Variants in MOSPD2 observed in about 807,000 individuals in gnomAD.
MOSPD2 encodes the protein motile sperm domain-containing protein 2.
In MOSPD2, 5 loss-of-function variants were observed where a neutral mutation model predicts 41.7. That is an observed-to-expected ratio of 0.12 (90% CI 0.06 to 0.25). The LOEUF (loss-of-function observed/expected upper bound fraction) is 0.25, where lower values mean the gene tolerates loss of function less well. Among genes scored for constraint, MOSPD2 ranks in the 10% least tolerant of loss-of-function variants. The pLI is 1.00. For missense variants in MOSPD2, 282 were observed against 375.2 expected, an observed-to-expected ratio of 0.75 and a Z score of 2.05; for synonymous variants, 115 against 126.9, an observed-to-expected ratio of 0.91 and a Z score of 0.63.
intron 3 of MOSPD2, among the ~76,000 whole-genome samples, chrX:14,894,271 A>G (rs1363653365): frequency 9.4e-6 from 1 of 106,250 alleles, no homozygotes; most frequent in African/African-American, 3.5e-5. Context: ...AGCTGGGACG[A>G]CAGGCATGTG....
chrX:14,884,969 A>T (rs1460248120), intron 2 of MOSPD2, among the ~76,000 whole-genome samples: 2 of 111,530 alleles, frequency 1.8e-5, no homozygotes, highest in Non-Finnish European at 3.8e-5. Context: ...GAACTCAAGA[A>T]ATCTACAAAC....
intron 3 of MOSPD2, 155 bp downstream of exon 3, chrX:14,893,033 C>T: frequency 2.5e-6 from 1 of 407,921 alleles, no homozygotes; most frequent in Admixed American, 4.3e-5. Context: ...TTCAAAGGAA[C>T]AGCTTATAAG....
chrX:14,918,184 C>T (rs2092603544), intron 13 of MOSPD2, among the ~76,000 whole-genome samples: 1 of 111,797 alleles, frequency 8.9e-6, no homozygotes, highest in Admixed American at 9.5e-5. Context: ...AACAGTCCCT[C>T]AAAATGAAGG....
At chrX:14,899,565 TACACACACACACACACACACACACAC>T (rs59555716) in intron 5 of MOSPD2, among the ~76,000 whole-genome samples, 2 of 81,042 alleles carry the variant, frequency 2.5e-5, no homozygotes, top group African/African-American at 8.8e-5. Flanking sequence ...ATTATATACA[TACACACACACACACACACACACACAC>T]ACACACACAC....
At chrX:14,918,592 TTC>T (rs1277654601) in intron 13 of MOSPD2, 86 bp from the exon 14 acceptor site, 1 of 604,978 alleles carries the variant, frequency 1.7e-6, no homozygotes, top group East Asian at 3.7e-5. Flanking sequence ...TTACATAGAC[TTC>T]TGTGTATAAC....
At chrX:14,910,447 T>C (rs2092589556) in intron 8 of MOSPD2, among the ~76,000 whole-genome samples, 1 of 112,049 alleles carries the variant, frequency 8.9e-6, no homozygotes, top group African/African-American at 3.2e-5. Flanking sequence ...AACCAAAATA[T>C]TCCACTGTAT....
chrX:14,882,827 T>G (rs1311330245), intron 2 of MOSPD2, among the ~76,000 whole-genome samples: 1 of 108,873 alleles, frequency 9.2e-6, no homozygotes, highest in East Asian at 2.8e-4. Flanking sequence ...TTTTTACTCA[T>G]CTCTTTAAGT....
Position 14,873,473 on chromosome X carries a change from C to CGGCGACGGTAGAACG in MOSPD2, c.-47_-33dup, listed in dbSNP as rs2092511264. ...ACTGCCGGGTGATGAGATACTCGGT[C>CGGCGACGGTAGAACG]GGCGACGGTAGAACGGGCGACGGCG... On this transcript the variant is annotated 5_prime_UTR_variant, in exon 1 of 15. Transcript: ENST00000380492. 7.4e-6 allele frequency: 9 copies of CGGCGACGGTAGAACG among 1,209,794 alleles called. No individual in the cohort carries two copies. The highest frequency in any genetic ancestry group is 1.0e-5 in the Non-Finnish European group (9 of 893,668).
chrX:14,920,134 C>A lies in MOSPD2; in HGVS notation c.*325C>A. 1 of 743,586 alleles carries A rather than the reference C, an allele frequency of 1.3e-6. No individual in the cohort carries two copies. Among genetic ancestry groups the A allele is most frequent in the Non-Finnish European group, 1.6e-6 (1 of 626,231 alleles). 61.3% of individuals were successfully genotyped at this position (743,586 alleles called of 1,213,427 possible). A position where few individuals can be genotyped will look rare whatever the true frequency, so the allele number is the denominator to read the frequency against. On this transcript the variant is annotated 3_prime_UTR_variant, in exon 15 of 15. Transcript: ENST00000380492. ...AAGCTTAAGTTTTATCGTGTAAATA[C>A]ATTAGCTAAACTGAAAAGTATAAGT...
rs1229037922 is a variant in MOSPD2, at chrX:14,921,561, C to T, written c.*1752C>T. The T allele has an allele frequency of 7.6e-6, 3 of 395,143 alleles. No homozygotes were observed. In the African/African-American group the frequency reaches 7.9e-5, roughly 10 times the overall value. 32.6% of individuals were successfully genotyped at this position (395,143 alleles called of 1,213,427 possible). A position where few individuals can be genotyped will look rare whatever the true frequency, so the allele number is the denominator to read the frequency against. On this transcript the variant is annotated 3_prime_UTR_variant, in exon 15 of 15. Coordinates refer to ENST00000380492, the MANE Select transcript of MOSPD2 (RefSeq NM_152581.4). ...GGCAAATAAATGAAGAAATAATTAGCCAAGATTGAAAATGTATTGTCCTAA... is the reference window on the plus strand; with the variant it reads ...GGCAAATAAATGAAGAAATAATTAGTCAAGATTGAAAATGTATTGTCCTAA...
chrX:14,891,062 C>T (rs774915159), intron 2 of MOSPD2, among the ~76,000 whole-genome samples: 1 of 112,390 alleles, frequency 8.9e-6, no homozygotes, highest in African/African-American at 3.2e-5. Context: ...TATAGACTAT[C>T]TGTCTCTACT....
At chrX:14,899,966 C>T (rs958013554) in intron 5 of MOSPD2, among the ~76,000 whole-genome samples, 6 of 111,109 alleles carry the variant, frequency 5.4e-5, no homozygotes, top group Non-Finnish European at 1.1e-4. Flanking sequence ...AATCAGTGAA[C>T]AACACTGGAA....
intron 11 of MOSPD2, 119 bp downstream of exon 11, chrX:14,914,718 C>A: frequency 2.2e-6 from 1 of 444,924 alleles, no homozygotes; most frequent in Non-Finnish European, 3.8e-6. Context: ...TTATTTATGA[C>A]AATTTTTAGG....
In MOSPD2 at chrX:14,873,424, C is replaced by T. The variant is rs937091161; in HGVS notation, c.-105C>T. ...CACGCGACCGCCTCCCCCTCCCACCCTTCTCTGTCTACCTCTGGGCGGGAC... is the reference window on the plus strand; with the variant it reads ...CACGCGACCGCCTCCCCCTCCCACCTTTCTCTGTCTACCTCTGGGCGGGAC... On this transcript the variant is annotated 5_prime_UTR_variant, in exon 1 of 15. Coordinates refer to ENST00000380492, the MANE Select transcript of MOSPD2 (RefSeq NM_152581.4). 3 of 1,126,725 alleles carry T rather than the reference C, an allele frequency of 2.7e-6. No homozygotes were observed. The highest frequency in any genetic ancestry group is 3.6e-6 in the Non-Finnish European group (3 of 823,642). The allele number at this position is 1,126,725 out of a possible 1,213,427, so 92.9% of individuals were successfully genotyped here. A position where few individuals can be genotyped will look rare whatever the true frequency, so the allele number is the denominator to read the frequency against.
At chrX:14,915,588 AT>A (rs781636363) in intron 11 of MOSPD2, 79 bp from the exon 12 acceptor site, 38 of 578,735 alleles carry the variant, frequency 6.6e-5, no homozygotes, top group African/African-American at 4.8e-4. Context: ...ATAAAAATAA[AT>A]TTTTTTAAAG....
chrX:14,882,992 C>A (rs761318169), intron 2 of MOSPD2, among the ~76,000 whole-genome samples: 1 of 110,604 alleles, frequency 9.0e-6, no homozygotes, highest in Non-Finnish European at 1.9e-5. Context: ...GTCAGAAGTT[C>A]AAGACCAGCC....
intron 2 of MOSPD2, among the ~76,000 whole-genome samples, chrX:14,883,068 G>GCC (rs938734535): frequency 5.4e-5 from 6 of 110,474 alleles, no homozygotes; most frequent in Non-Finnish European, 1.1e-4. Context: ...GGTGGTGGGT[G>GCC]CCTGTAATCC....
Position 14,921,811 on chromosome X carries a change from CATTT to C in MOSPD2, c.*2003_*2006del, listed in dbSNP as rs1461843800. 2 of 113,873 alleles carry C rather than the reference CATTT, an allele frequency of 1.8e-5. No homozygotes were observed. Among genetic ancestry groups the C allele is most frequent in the African/African-American group, 6.5e-5 (2 of 30,854 alleles). 9.4% of individuals were successfully genotyped at this position (113,873 alleles called of 1,213,427 possible). A position where few individuals can be genotyped will look rare whatever the true frequency, so the allele number is the denominator to read the frequency against. On this transcript the variant is annotated 3_prime_UTR_variant, in exon 15 of 15. Transcript: ENST00000380492. ...TTTACACTTGATTTTTTTCTGTCTT[CATTT>C]GTTTTTATTTAATCATAATTGCATG...
chrX:14,892,501 G>T (rs751605988), intron 2 of MOSPD2, among the ~76,000 whole-genome samples: 1 of 111,358 alleles, frequency 9.0e-6, no homozygotes, highest in Non-Finnish European at 1.9e-5. Flanking sequence ...CCAACACTGG[G>T]CATCAGATTT....
Sources: gnomAD v4.1 joint callset for allele counts (sites outside exome capture counted in the v4.1 genomes callset) on GRCh38, gnomAD v4.1.1 for gene constraint, MANE v1.5 for transcripts, NCBI Gene and HGNC (gene_info 2026-07-23, HGNC 2026-07-21) for gene names.